The following AFF1 variants were observed in gnomAD, a reference collection of about 807,000 sequenced individuals.
AFF1 encodes the protein ALF transcription elongation factor 1.
Under a neutral mutation model 121.7 loss-of-function variants are expected in AFF1, and 48 were observed. That is an observed-to-expected ratio of 0.39 (90% CI 0.31 to 0.50). AFF1 has a LOEUF of 0.50. Among genes scored for constraint, AFF1 ranks in the 20% least tolerant of loss-of-function variants. The pLI, the probability that AFF1 is intolerant of heterozygous loss-of-function variation, is 0.76. For missense variants in AFF1, 1,523 were observed against 1,511.7 expected (o/e 1.01, Z -0.12); for synonymous variants, 613 against 563.0 (o/e 1.09, Z -1.26).
intron 13 of AFF1, 66 bp downstream of exon 13, chr4:87,125,209 A>C: frequency 8.1e-7 from 1 of 1,241,940 alleles, no homozygotes. Context: ...TTGACATAGC[A>C]AAGAAATTTT....
chr4:86,979,648 G>A (rs895753679), intron 2 of AFF1, among the ~76,000 whole-genome samples: 4 of 152,130 alleles, frequency 2.6e-5, no homozygotes, highest in Non-Finnish European at 4.4e-5. Flanking sequence ...AATATGAAAA[G>A]ATACTCAGTC....
intron 4 of AFF1, among the ~76,000 whole-genome samples, chr4:87,082,297 G>A (rs894956948): frequency 2.0e-5 from 3 of 152,066 alleles, no homozygotes; most frequent in African/African-American, 7.2e-5. Flanking sequence ...CAGCATTTCT[G>A]TATCTTAAGT....
intron 2 of AFF1, among the ~76,000 whole-genome samples, chr4:86,956,980 G>A (rs768398917): frequency 3.1e-4 from 47 of 152,152 alleles, no homozygotes; most frequent in Non-Finnish European, 6.3e-4. Context: ...CATTGTGCCT[G>A]GGGTCACTTT....
chr4:87,083,416 T>C (rs999768208), intron 4 of AFF1, among the ~76,000 whole-genome samples: 5 of 152,264 alleles, frequency 3.3e-5, no homozygotes, highest in Admixed American at 2.0e-4. Flanking sequence ...GAGATATTTT[T>C]AACTTTAAAA....
chr4:87,046,188 C>G lies in AFF1; in HGVS notation c.61C>G (p.Leu21Val). The change falls in exon 3 of 21, where the codon CTG becomes GTG. Residue 21 changes from leucine (L) to valine (V), a missense_variant. Physicochemically the swap from Leu to Val is conservative, Grantham distance 32. Transcript: ENST00000395146. ...CAGTTTGTACAATGACGACAGAAAC[C>G]TGCTTCGAATTAGAGAGAAGGAAAG... ...GNSLYNDDRNLLRIREKERRN... is the reference protein window; with the variant it reads ...GNSLYNDDRNVLRIREKERRN... 3 of 1,613,560 alleles carry G rather than the reference C, an allele frequency of 1.9e-6. No individual in the cohort carries two copies. The highest frequency in any genetic ancestry group is 8.5e-7 in the Non-Finnish European group (1 of 1,179,838).
Position 87,046,964 on chromosome 4 carries a change from G to A in AFF1, c.429G>A (p.Ala143=), listed in dbSNP as rs144461444. 1.3e-5 allele frequency: 21 copies of A among 1,614,178 alleles called. No individual in the cohort carries two copies. The highest frequency in any genetic ancestry group is 6.7e-5 in the East Asian group (3 of 44,874). The change falls in exon 4 of 21, where the codon GCG becomes GCA. Residue 143 remains alanine (A), a synonymous_variant. Transcript: ENST00000395146. The part of the protein sequence containing the change: ...VGNISHNPKM[A]QPRTEPMPSL... Reference sequence around the variant, plus strand: ...ACATTAGCCACAATCCAAAGATGGCGCAGCCAAGAACTGAACCAATGCCAA... The same window carrying A: ...ACATTAGCCACAATCCAAAGATGGCACAGCCAAGAACTGAACCAATGCCAA...
rs898641646 is a variant in AFF1 at position 87,064,020 on chromosome 4, T to C, written c.1059+16426T>C. 4.7e-4 allele frequency among the ~76,000 whole-genome samples: 71 copies of C among 152,368 alleles called. 4 individuals carry two copies. Among genetic ancestry groups the C allele is most frequent in the Admixed American group, 2.4e-3 (37 of 15,308 alleles). ...GTCAAGTTTTTAAATGTTACACTTT[T>C]TCAATAAGAGACTTGAATAGATATT... is the stretch of plus-strand genomic sequence containing the variant. On this transcript the variant is annotated intron_variant, in intron 4 of 20. Coordinates refer to ENST00000395146, the MANE Select transcript of AFF1 (RefSeq NM_001166693.3).
intron 2 of AFF1, among the ~76,000 whole-genome samples, chr4:87,003,842 G>T (rs1008695887): frequency 2.6e-5 from 4 of 152,150 alleles, no homozygotes; most frequent in Non-Finnish European, 1.5e-5. Flanking sequence ...TATTGCAAAA[G>T]AAAATATGCG....
chr4:87,132,235 A>G, intron 18 of AFF1, 36 bp from the exon 19 acceptor site: 1 of 1,597,656 alleles, frequency 6.3e-7, no homozygotes, highest in Non-Finnish European at 8.5e-7. Flanking sequence ...GTAGTATGAT[A>G]GTCACGTGCA....
intron 8 of AFF1, among the ~76,000 whole-genome samples, chr4:87,096,806 C>T (rs2149727640): frequency 6.6e-6 from 1 of 152,226 alleles, no homozygotes; most frequent in South Asian, 2.1e-4. Context: ...CAGGGTCTCA[C>T]TATGTTGCCC....
chr4:87,071,513 A>T (rs1416678837), intron 4 of AFF1, among the ~76,000 whole-genome samples: 2 of 151,940 alleles, frequency 1.3e-5, no homozygotes, highest in Non-Finnish European at 2.9e-5. Flanking sequence ...AGACCTTTAA[A>T]TTTTTTTTAA....
chr4:87,044,390 G>T (rs1395269949), intron 2 of AFF1, among the ~76,000 whole-genome samples: 2 of 152,172 alleles, frequency 1.3e-5, no homozygotes, highest in African/African-American at 4.8e-5. Flanking sequence ...CACCAAGAGA[G>T]GTGCTAAATT....
chr4:87,096,332 C>T (rs1461760338), intron 8 of AFF1, among the ~76,000 whole-genome samples: 3 of 68,200 alleles, frequency 4.4e-5, no homozygotes, highest in Admixed American at 2.3e-4. Context: ...GAGACAGGGT[C>T]TTGCTCTGTC....
intron 2 of AFF1, among the ~76,000 whole-genome samples, chr4:87,021,237 A>G (rs1578079824): frequency 6.6e-6 from 1 of 152,192 alleles, no homozygotes; most frequent in East Asian, 1.9e-4. Context: ...CCTGTTTTTC[A>G]GAAGTACTAA....
intron 5 of AFF1, among the ~76,000 whole-genome samples, chr4:87,086,681 G>A (rs578148460): frequency 6.6e-6 from 1 of 152,194 alleles, no homozygotes; most frequent in East Asian, 1.9e-4. Context: ...GAAGGCCCTG[G>A]GCTAGCGGAT....
rs1726972972 is a variant in AFF1 at position 87,115,176 on chromosome 4, C to G, written c.2343C>G (p.Pro781=). The G allele has an allele frequency of 1.2e-6, 2 of 1,614,050 alleles. No homozygotes were observed. The highest frequency in any genetic ancestry group is 2.2e-5 in the East Asian group (1 of 44,876). ...CCCTAGACCTGCTCTCTCGGATACC[C>G]CAGCCTCCCGGGAAGGGGAGCCGCC... ...KITLDLLSRI[P]QPPGKGSRQR... The change falls in exon 12 of 21, where the codon CCC becomes CCG. Residue 781 remains proline (P), a synonymous_variant. Coordinates refer to ENST00000395146, the MANE Select transcript of AFF1 (RefSeq NM_001166693.3).
chr4:87,015,273 C>T (rs1335573611), intron 2 of AFF1, among the ~76,000 whole-genome samples: 2 of 152,116 alleles, frequency 1.3e-5, no homozygotes, highest in South Asian at 4.1e-4. Context: ...AGAGTTAAGA[C>T]GGTGCTAACT....
At chr4:86,939,805 C>T (rs989749682) in intron 1 of AFF1, among the ~76,000 whole-genome samples, 5 of 152,174 alleles carry the variant, frequency 3.3e-5, no homozygotes, top group African/African-American at 9.7e-5. Context: ...ACCCGTCCCC[C>T]GAGTTTCTGA....
Position 87,021,181 on chromosome 4 carries a change from G to C in AFF1, c.39-24985G>C, listed in dbSNP as rs112291018. ...TCTGAGTCTTCTGTCAAACAACTTG[G>C]GGCCTTGTAATAGGATGACTTCCTA... On this transcript the variant is annotated intron_variant, in intron 2 of 20. Coordinates refer to ENST00000395146, the MANE Select transcript of AFF1 (RefSeq NM_001166693.3). Among the ~76,000 whole-genome samples the C allele has an allele frequency of 1.3e-3, 193 of 152,222 alleles. 1 individual carries two copies. The highest frequency in any genetic ancestry group is 4.4e-3 in the African/African-American group (183 of 41,520).
Sources: allele counts gnomAD v4.1 joint callset (sites outside exome capture counted in the v4.1 genomes callset), GRCh38; gene constraint gnomAD v4.1.1; transcripts MANE v1.5; gene names NCBI Gene and HGNC (gene_info 2026-07-23, HGNC 2026-07-21).